Variants in CAMTA1 observed in about 807,000 individuals in gnomAD.
CAMTA1 encodes the protein calmodulin-binding transcription activator 1.
CAMTA1 carries 27 observed loss-of-function variants against 170.9 expected under a neutral mutation model. The observed-to-expected ratio is 0.16, with a 90% confidence interval of 0.12 to 0.22. The LOEUF is 0.22. Ranked by LOEUF, CAMTA1 falls within the 10% of genes least tolerant of loss-of-function variation. The pLI is 1.00. For synonymous variants in CAMTA1, 833 were observed against 891.5 expected (o/e 0.93, Z 1.17); for missense variants, 1,619 against 2,217.2 (o/e 0.73, Z 5.42).
At chr1:7,515,000 C>G (rs1220018198) in intron 6 of CAMTA1, among the ~76,000 whole-genome samples, 1 of 151,552 alleles carries the variant, frequency 6.6e-6, no homozygotes, top group Non-Finnish European at 1.5e-5. Context: ...ATCAGGCCGG[C>G]CCTCCCCTGC....
At chr1:6,811,526 C>G (rs186411213) in intron 1 of CAMTA1, among the ~76,000 whole-genome samples, 174 of 152,304 alleles carry the variant, frequency 1.1e-3, no homozygotes, top group Non-Finnish European at 2.1e-3. Flanking sequence ...TTGCCTGTCA[C>G]TCTTTTGCTT....
intron 5 of CAMTA1, among the ~76,000 whole-genome samples, chr1:7,352,320 T>G (rs2084745567): frequency 6.6e-6 from 1 of 152,218 alleles, no homozygotes; most frequent in Non-Finnish European, 1.5e-5. Flanking sequence ...TTTTGTCATC[T>G]GGGAGGTGAC....
At chr1:6,839,260 T>G (rs1654667622) in intron 3 of CAMTA1, among the ~76,000 whole-genome samples, 1 of 151,962 alleles carries the variant, frequency 6.6e-6, no homozygotes, top group Admixed American at 6.5e-5. Flanking sequence ...CATGTGCCTG[T>G]AATCCCAGCT....
At chr1:7,397,436 A>G (rs1428815956) in intron 5 of CAMTA1, among the ~76,000 whole-genome samples, 2 of 152,072 alleles carry the variant, frequency 1.3e-5, no homozygotes, top group African/African-American at 4.8e-5. Flanking sequence ...TCAATATATC[A>G]ACAAAACAAA....
At chr1:7,586,588 C>G (rs970692841) in intron 6 of CAMTA1, among the ~76,000 whole-genome samples, 1 of 152,174 alleles carries the variant, frequency 6.6e-6, no homozygotes, top group Non-Finnish European at 1.5e-5. Flanking sequence ...CCTGCAGCCT[C>G]CCTCCTGCCC....
chr1:7,112,710 G>A (rs1644137098), intron 4 of CAMTA1, among the ~76,000 whole-genome samples: 1 of 152,194 alleles, frequency 6.6e-6, no homozygotes, highest in Admixed American at 6.5e-5. Context: ...GAACACAAGG[G>A]CAGGGTTACA....
At chr1:7,198,549 C>A (rs1427178896) in intron 4 of CAMTA1, among the ~76,000 whole-genome samples, 2 of 152,044 alleles carry the variant, frequency 1.3e-5, no homozygotes, top group Non-Finnish European at 2.9e-5. Context: ...CCCTGAGAAA[C>A]CCCCAGGACC....
intron 4 of CAMTA1, among the ~76,000 whole-genome samples, chr1:7,122,546 T>G (rs1431149142): frequency 6.6e-6 from 1 of 152,142 alleles, no homozygotes; most frequent in Non-Finnish European, 1.5e-5. Flanking sequence ...AGGCAGGCAC[T>G]TCGGGTGCCG....
intron 5 of CAMTA1, among the ~76,000 whole-genome samples, chr1:7,460,019 C>T (rs780066789): frequency 2.0e-5 from 3 of 152,216 alleles, no homozygotes; most frequent in Admixed American, 6.5e-5. Context: ...AGAAGGGCAG[C>T]GCCATAAAAT....
rs11121003 is a variant in CAMTA1, at chr1:7,707,439, G to A, written c.2915-25009G>A. Among the ~76,000 whole-genome samples, 767 of 152,184 alleles carry A rather than the reference G, an allele frequency of 5.0e-3. 9 individuals are homozygous for A. Among genetic ancestry groups the A allele is most frequent in the African/African-American group, 0.018 (739 of 41,524 alleles). On this transcript the variant is annotated intron_variant, in intron 11 of 22. Coordinates refer to ENST00000303635, the MANE Select transcript of CAMTA1 (RefSeq NM_015215.4). ...CTCCCAGGCTGGAGTGCAGTGGCAT[G>A]ATCATGGTTCAGTGCAGCCTCCACC... is the stretch of plus-strand genomic sequence containing the variant.
intron 5 of CAMTA1, among the ~76,000 whole-genome samples, chr1:7,337,018 T>G (rs1304308701): frequency 6.6e-6 from 1 of 152,238 alleles, no homozygotes; most frequent in Non-Finnish European, 1.5e-5. Flanking sequence ...TCTGTTGATT[T>G]ATGTCCCTGA....
rs528494702 is a variant in CAMTA1, at chr1:7,304,149, G to C, written c.438+54523G>C. 3.3e-5 allele frequency among the ~76,000 whole-genome samples: 5 copies of C among 152,270 alleles called. No homozygotes were observed. The East Asian group carries it at 7.7e-4, about 24-fold the overall frequency. On this transcript the variant is annotated intron_variant, in intron 5 of 22. Transcript: ENST00000303635. ...AGTTTAGGAAAAGGAGAGTGGCAAT[G>C]ATTGCACAACAATGCGAACGTCCTC...
In CAMTA1 at chr1:6,902,087, AAAT is replaced by A. The variant is rs1165313197; in HGVS notation, c.234+76880_234+76882del. ...CACACACACACAAAAAAAAAAATAA[AAAT>A]AAAAACTCGTACTGGCTTTTAGGAA... On this transcript the variant is annotated intron_variant, in intron 3 of 22. Transcript: ENST00000303635. Among the ~76,000 whole-genome samples, 8 of 150,386 alleles carry A rather than the reference AAAT, an allele frequency of 5.3e-5. No individual in the cohort carries two copies. In the South Asian group the frequency reaches 8.4e-4, roughly 16 times the overall value.
rs1267144192 is a variant in CAMTA1, at chr1:7,093,353, A to G, written c.302+1982A>G. 6.6e-6 allele frequency among the ~76,000 whole-genome samples: 1 copy of G among 152,118 alleles called. No individual in the cohort carries two copies. Among genetic ancestry groups the G allele is most frequent in the Non-Finnish European group, 1.5e-5 (1 of 68,014 alleles). On this transcript the variant is annotated intron_variant, in intron 4 of 22. Transcript: ENST00000303635. This position sits in a 1 kb window ranked among gnomAD's most constrained non-coding sequence, Gnocchi z 4.6. ...AGTTTTCTGGGGGAGAAGGAGGCTTATCTGATTTCTGCCTCTGGACCATTT... is the reference window on the plus strand; with the variant it reads ...AGTTTTCTGGGGGAGAAGGAGGCTTGTCTGATTTCTGCCTCTGGACCATTT...
At chr1:6,848,611 G>T (rs926267209) in intron 3 of CAMTA1, among the ~76,000 whole-genome samples, 4 of 152,188 alleles carry the variant, frequency 2.6e-5, no homozygotes, top group Non-Finnish European at 4.4e-5. Context: ...TGGCAGTAGC[G>T]AAGGATCTGA....
At chr1:6,969,763 G>A (rs528035373) in intron 3 of CAMTA1, among the ~76,000 whole-genome samples, 6 of 152,310 alleles carry the variant, frequency 3.9e-5, no homozygotes, top group Admixed American at 2.6e-4. Context: ...TCAGCAATGG[G>A]TGTAGACCAT....
At chr1:6,982,774 T>C (rs1238573902) in intron 3 of CAMTA1, among the ~76,000 whole-genome samples, 3 of 143,148 alleles carry the variant, frequency 2.1e-5, no homozygotes, top group Non-Finnish European at 3.1e-5. Flanking sequence ...CAGCCCTCTG[T>C]GCGTAGTGGC....
At chr1:7,751,055 C>A in intron 19 of CAMTA1, 144 bp from the exon 20 acceptor site, 1 of 768,636 alleles carries the variant, frequency 1.3e-6, no homozygotes, top group Non-Finnish European at 2.3e-6. Flanking sequence ...TCATTTGCCT[C>A]TTTTGTGATT....
intron 3 of CAMTA1, among the ~76,000 whole-genome samples, chr1:6,876,909 T>C (rs1284807746): frequency 3.3e-5 from 5 of 152,212 alleles, no homozygotes; most frequent in Admixed American, 2.6e-4. Flanking sequence ...GGAGCACTTA[T>C]GTCAGGCTTT....
Sources: gnomAD v4.1 joint callset for allele counts (sites outside exome capture counted in the v4.1 genomes callset) on GRCh38, gnomAD v4.1.1 for gene constraint, Gnocchi (gnomAD v3.1) non-coding constraint, MANE v1.5 for transcripts, NCBI Gene and HGNC (gene_info 2026-07-23, HGNC 2026-07-21) for gene names.